Variants in USP24 observed in about 807,000 individuals in gnomAD.
USP24 encodes the protein ubiquitin specific peptidase 24.
In USP24, 97 loss-of-function variants were observed where a neutral mutation model predicts 361.6. The ratio of observed to expected loss-of-function variants is 0.27; its 90% CI spans 0.23 to 0.32. The LOEUF (loss-of-function observed/expected upper bound fraction) is 0.32. USP24 is among the 10% of genes least tolerant of loss of function. USP24 has a pLI of 1.00. For missense variants in USP24, 2,353 were observed against 3,165.6 expected, an observed-to-expected ratio of 0.74 and a Z score of 6.16; for synonymous variants, 1,098 against 1,124.6, an observed-to-expected ratio of 0.98 and a Z score of 0.47.
At chr1:55,207,824 G>A (rs1295497973) in intron 1 of USP24, among the ~76,000 whole-genome samples, 1 of 152,154 alleles carries the variant, frequency 6.6e-6, no homozygotes, top group African/African-American at 2.4e-5. Flanking sequence ...AATAAATAAT[G>A]TCAAATGAAT....
At chr1:55,186,450 G>T (rs1368229976) in intron 1 of USP24, among the ~76,000 whole-genome samples, 1 of 152,116 alleles carries the variant, frequency 6.6e-6, no homozygotes, top group African/African-American at 2.4e-5. Context: ...GAAAGAAGAG[G>T]CTTGAGCAGA....
chr1:55,093,885 T>C, intron 52 of USP24, 52 bp downstream of exon 52: 1 of 1,606,222 alleles, frequency 6.2e-7, no homozygotes, highest in Non-Finnish European at 8.5e-7. Context: ...ACTAGATACA[T>C]TTTGATGTCC....
intron 1 of USP24, among the ~76,000 whole-genome samples, chr1:55,180,508 T>C (rs984414442): frequency 6.6e-6 from 1 of 152,146 alleles, no homozygotes; most frequent in African/African-American, 2.4e-5. Flanking sequence ...TCCCCAGACT[T>C]AGTCTTCCAG....
chr1:55,129,087 C>G (rs1007863123), intron 32 of USP24, among the ~76,000 whole-genome samples: 8 of 152,094 alleles, frequency 5.3e-5, no homozygotes, highest in African/African-American at 1.7e-4. Flanking sequence ...AGCTGCCTCT[C>G]AAAGGCAGAG....
chr1:55,177,922 C>T, intron 2 of USP24, 45 bp downstream of exon 2: 2 of 1,522,020 alleles, frequency 1.3e-6, no homozygotes, highest in South Asian at 2.5e-5. Flanking sequence ...CTCAGGCCTT[C>T]TATGAAACAA....
At chr1:55,079,444 A>C in intron 60 of USP24, 94 bp downstream of exon 60, 1 of 1,469,736 alleles carries the variant, frequency 6.8e-7, no homozygotes, top group Non-Finnish European at 9.1e-7. Context: ...ACCATTTCTT[A>C]ACAATACTCT....
chr1:55,207,283 A>G (rs949959394), intron 1 of USP24, among the ~76,000 whole-genome samples: 3 of 86,632 alleles, frequency 3.5e-5, no homozygotes, highest in African/African-American at 9.8e-5. Context: ...GGAAAGGGGA[A>G]AAAAAAAAAA....
rs956889590 is a variant in USP24, at chr1:55,067,796, A to C, written c.*1249T>G. 1 of 152,268 alleles carries C rather than the reference A, an allele frequency of 6.6e-6. No homozygotes were observed. Among genetic ancestry groups the C allele is most frequent in the Non-Finnish European group, 1.5e-5 (1 of 68,044 alleles). The allele number at this position is 152,268 out of a possible 1,614,324, so 9.4% of individuals were successfully genotyped here. On this transcript the variant is annotated 3_prime_UTR_variant, in exon 68 of 68. Coordinates refer to ENST00000294383, the MANE Select transcript of USP24 (RefSeq NM_015306.3). Reference sequence around the variant, plus strand: ...GTGAGCAATTCAAAATACAAAATGTACAAAATATATATGAAATATGTGGGT... The same window carrying C: ...GTGAGCAATTCAAAATACAAAATGTCCAAAATATATATGAAATATGTGGGT...
intron 55 of USP24, among the ~76,000 whole-genome samples, chr1:55,086,992 T>A (rs1415624858): frequency 6.6e-6 from 1 of 152,240 alleles, no homozygotes; most frequent in Non-Finnish European, 1.5e-5. Context: ...CTGTAAGCAA[T>A]ATTTACTATG....
rs1003608754 is a variant in USP24 at position 55,178,095 on chromosome 1, A to G, written c.362T>C (p.Ile121Thr). Residue 121 changes from isoleucine (I) to threonine (T), a missense_variant, in exon 2 of 68, where the codon ATT (isoleucine) becomes ACT (threonine). This residue lies in a region of USP24 where 253 missense variants were observed against 255.3 expected (regional missense o/e 0.99). Transcript: ENST00000294383. ...ATATAAATTTGTTGTAGGGAATTCA[A>G]TTCCTTCCCCTGAGCAGTTTCCATT... ...DENGNCSGEGIEFPTTNLYEL... is the reference protein window; with the variant it reads ...DENGNCSGEGTEFPTTNLYEL... The G allele has an allele frequency of 2.6e-6, 4 of 1,551,396 alleles. No homozygotes were observed. Among genetic ancestry groups the G allele is most frequent in the Middle Eastern group, 1.7e-4 (1 of 6,008 alleles).
intron 1 of USP24, 47 bp from the exon 2 acceptor site, chr1:55,178,179 A>T: frequency 1.3e-6 from 2 of 1,545,514 alleles, no homozygotes; most frequent in Non-Finnish European, 1.7e-6. Context: ...CTAATTAGTG[A>T]TTACTCTAAA....
intron 7 of USP24, among the ~76,000 whole-genome samples, chr1:55,164,945 C>A (rs1648676921): frequency 6.6e-6 from 1 of 152,036 alleles, no homozygotes; most frequent in Non-Finnish European, 1.5e-5. Context: ...AGTTCAACAA[C>A]CTAATTAACT....
chr1:55,125,835 A>C, intron 32 of USP24, 77 bp from the exon 33 acceptor site: 1 of 1,206,978 alleles, frequency 8.3e-7, no homozygotes, highest in Non-Finnish European at 1.2e-6. Context: ...TAAGTAATGT[A>C]ATCAGTCATC....
At chr1:55,075,938 G>T (rs985855256) in intron 62 of USP24, among the ~76,000 whole-genome samples, 2 of 151,992 alleles carry the variant, frequency 1.3e-5, no homozygotes, top group Non-Finnish European at 2.9e-5. Context: ...CTCCAGCCTG[G>T]GCAACAGAGG....
In USP24 at chr1:55,178,464, C is replaced by T. The variant is rs538863135; in HGVS notation, c.325-332G>A. On this transcript the variant is annotated intron_variant, in intron 1 of 67. Coordinates refer to ENST00000294383, the MANE Select transcript of USP24 (RefSeq NM_015306.3). ...CGGGTGGATCACGAGGTCAGGAGAT[C>T]GAGACCATCGTGGCTAACACGGTGA... Among the ~76,000 whole-genome samples the T allele has an allele frequency of 1.2e-4, 18 of 151,852 alleles. No individual in the cohort carries two copies. The South Asian group carries it at 3.1e-3, about 26-fold the overall frequency.
chr1:55,214,946 C>T lies in USP24; in HGVS notation c.168G>A (p.Met56Ile), dbSNP rs1644951978. 4.9e-6 allele frequency: 7 copies of T among 1,414,174 alleles called. No homozygotes were observed. In the South Asian group the frequency reaches 8.3e-5, roughly 17 times the overall value. 87.6% of individuals were successfully genotyped at this position (1,414,174 alleles called of 1,614,324 possible). ...PGLDYGGYEP[M>I]DSGGGPSPGP... ...CGGGGCTGGGGCCACCGCCGCTGTC[C>T]ATGGGCTCGTAGCCGCCGTAGTCGA... is the stretch of plus-strand genomic sequence containing the variant. Residue 56 changes from methionine to isoleucine, a missense_variant, in exon 1 of 68, where the codon ATG becomes ATA. By Grantham distance (10) the Met-to-Ile change is conservative (BLOSUM62 1). Transcript: ENST00000294383.
At chr1:55,157,142 T>A (rs2100751001) in intron 11 of USP24, 91 bp from the exon 12 acceptor site, 3 of 1,372,852 alleles carry the variant, frequency 2.2e-6, no homozygotes, top group South Asian at 1.2e-5. Flanking sequence ...TAACTTACTA[T>A]AAGATCATTT....
intron 16 of USP24, among the ~76,000 whole-genome samples, chr1:55,151,054 C>T (rs1053806578): frequency 3.9e-5 from 6 of 152,192 alleles, no homozygotes; most frequent in African/African-American, 1.2e-4. Flanking sequence ...TCAGAAGGGA[C>T]TGAATTCTGT....
chr1:55,186,056 T>A (rs1016109553), intron 1 of USP24, among the ~76,000 whole-genome samples: 4 of 152,140 alleles, frequency 2.6e-5, no homozygotes, highest in African/African-American at 9.7e-5. Context: ...TGACTTGTAA[T>A]CAAGAACTTC....
Sources: allele counts gnomAD v4.1 joint callset (sites outside exome capture counted in the v4.1 genomes callset), GRCh38; gene constraint gnomAD v4.1.1; regional missense constraint gnomAD v4.1.1; transcripts MANE v1.5; gene names NCBI Gene and HGNC (gene_info 2026-07-23, HGNC 2026-07-21).